The following NCBP3 variants were observed in gnomAD, a reference collection of about 807,000 sequenced individuals.
The protein encoded by NCBP3 is nuclear cap binding subunit 3.
A neutral mutation model predicts 75.7 loss-of-function variants in NCBP3; 20 were observed. The observed-to-expected ratio is 0.26, with a 90% CI of 0.19 to 0.38. The LOEUF (loss-of-function observed/expected upper bound fraction) is 0.38, where lower values mean the gene tolerates loss of function less well. Ranked by LOEUF, NCBP3 falls within the 10% of genes least tolerant of loss-of-function variation. NCBP3 has a pLI of 1.00. For synonymous variants in NCBP3, 293 were observed against 290.5 expected, an observed-to-expected ratio of 1.01 and a Z score of -0.09; for missense variants, 678 against 796.9, an observed-to-expected ratio of 0.85 and a Z score of 1.80.
Position 3,812,864 on chromosome 17 carries a change from G to T in NCBP3, c.*180C>A. Reference sequence around the variant, plus strand: ...AACTACAACTCTGCAGCGAAAGATAGAGATGCCCTTGAAAATGTGTCACAT... The same window carrying T: ...AACTACAACTCTGCAGCGAAAGATATAGATGCCCTTGAAAATGTGTCACAT... On this transcript the variant is annotated 3_prime_UTR_variant, in exon 13 of 13. Coordinates refer to ENST00000389005, the MANE Select transcript of NCBP3 (RefSeq NM_001114118.3). 1 of 1,429,568 alleles carries T rather than the reference G, an allele frequency of 7.0e-7. No individual in the cohort carries two copies. Among genetic ancestry groups the T allele is most frequent in the Non-Finnish European group, 9.1e-7 (1 of 1,095,516 alleles). 88.6% of individuals were successfully genotyped at this position (1,429,568 alleles called of 1,614,324 possible).
intron 3 of NCBP3, among the ~76,000 whole-genome samples, chr17:3,830,872 G>A (rs923827808): frequency 5.3e-5 from 8 of 150,546 alleles, no homozygotes; most frequent in African/African-American, 9.8e-5. Context: ...TGTGAGCCAC[G>A]GCGCCCAGCC....
rs577212201 is a variant in NCBP3, at chr17:3,838,430, C to T, written c.355+1670G>A. Among the ~76,000 whole-genome samples, 859 of 152,336 alleles carry T rather than the reference C, an allele frequency of 5.6e-3. 2 individuals carry two copies. Among genetic ancestry groups the T allele is most frequent in the African/African-American group, 0.02 (821 of 41,574 alleles). ...GCAGGCACATGAAGGTCAAGCCACA[C>T]CTGGCCTTCACAGGACTTCTCCTCA... On this transcript the variant is annotated intron_variant, in intron 3 of 12. Transcript: ENST00000389005.
At chr17:3,821,901 G>T in intron 8 of NCBP3, 52 bp downstream of exon 8, 1 of 1,169,042 alleles carries the variant, frequency 8.6e-7, no homozygotes. Context: ...AATACCAACT[G>T]AAGGATTAAG....
intron 7 of NCBP3, among the ~76,000 whole-genome samples, chr17:3,823,431 G>A (rs2053709214): frequency 6.6e-6 from 1 of 152,110 alleles, no homozygotes; most frequent in African/African-American, 2.4e-5. Context: ...CTAAACTGAT[G>A]TAAATAAACA....
In NCBP3 at chr17:3,812,943, A is replaced by G. The variant is rs1035776995; in HGVS notation, c.*101T>C. On this transcript the variant is annotated 3_prime_UTR_variant, in exon 13 of 13. Coordinates refer to ENST00000389005, the MANE Select transcript of NCBP3 (RefSeq NM_001114118.3). ...AGCGGAGGGTGACTGTGTGAGCAGG[A>G]GCGAGAGGGCGCCAGCTCCTGCGGG... The G allele has an allele frequency of 3.2e-6, 5 of 1,550,034 alleles. No homozygotes were observed. The highest frequency in any genetic ancestry group is 1.4e-5 in the African/African-American group (1 of 72,882).
intron 1 of NCBP3, among the ~76,000 whole-genome samples, chr17:3,845,510 G>T (rs1041683290): frequency 6.6e-6 from 1 of 152,054 alleles, no homozygotes; most frequent in Non-Finnish European, 1.5e-5. Flanking sequence ...GCTGCGGGGG[G>T]GGCAAGATGA....
chr17:3,842,035 C>T (rs2054073491), intron 2 of NCBP3, among the ~76,000 whole-genome samples: 1 of 151,940 alleles, frequency 6.6e-6, no homozygotes, highest in African/African-American at 2.4e-5. Context: ...GTATTGACTA[C>T]ATATAAGGAA....
At chr17:3,835,543 TCA>T (rs2143700355) in intron 3 of NCBP3, among the ~76,000 whole-genome samples, 1 of 152,374 alleles carries the variant, frequency 6.6e-6, no homozygotes, top group Non-Finnish European at 1.5e-5. Flanking sequence ...TGAAAGGACT[TCA>T]CAGTCACACA....
At chr17:3,826,489 G>A (rs1017445288) in intron 4 of NCBP3, among the ~76,000 whole-genome samples, 2 of 152,088 alleles carry the variant, frequency 1.3e-5, no homozygotes, top group Non-Finnish European at 2.9e-5. Flanking sequence ...AAATACAAAA[G>A]TCATGGTGGC....
intron 3 of NCBP3, among the ~76,000 whole-genome samples, chr17:3,838,082 A>T (rs1008132838): frequency 1.3e-5 from 2 of 152,234 alleles, no homozygotes; most frequent in African/African-American, 2.4e-5. Flanking sequence ...TGAAACTAAC[A>T]AGGCTCAAGA....
At chr17:3,825,704 G>C in intron 6 of NCBP3, 63 bp downstream of exon 6, 1 of 1,250,132 alleles carries the variant, frequency 8.0e-7, no homozygotes, top group South Asian at 1.3e-5. Flanking sequence ...TAAGGCTTAA[G>C]TTAAAAAGAC....
chr17:3,817,796 G>T (rs1442570523), intron 10 of NCBP3, among the ~76,000 whole-genome samples: 1 of 152,000 alleles, frequency 6.6e-6, no homozygotes, highest in Non-Finnish European at 1.5e-5. Flanking sequence ...AAAGGAATTC[G>T]TTAAATAAAT....
chr17:3,840,153 T>G lies in NCBP3; in HGVS notation c.302A>C (p.Glu101Ala). The G allele has an allele frequency of 6.4e-7, 1 of 1,551,722 alleles. No individual in the cohort carries two copies. Among genetic ancestry groups the G allele is most frequent in the Middle Eastern group, 1.7e-4 (1 of 5,992 alleles). Residue 101 changes from glutamate to alanine, a missense_variant, in exon 3 of 13, where the codon GAA becomes GCA. Glu to Ala is a moderately radical substitution (Grantham distance 107). Around this residue, in one of 7 missense-constraint regions of NCBP3, gnomAD observed 40 missense variants for 41.3 expected, o/e 0.97. Coordinates refer to ENST00000389005, the MANE Select transcript of NCBP3 (RefSeq NM_001114118.3). ...TACATTTCTTTGGGCAAGATTTACT[T>G]CCGATCGAAAATGGAAGCGCTTGGC... ...QRAKRFHFRS[E>A]VNLAQRNVAL...
chr17:3,827,107 TGGAAG>T (rs370484509), intron 4 of NCBP3, among the ~76,000 whole-genome samples: 5 of 132,248 alleles, frequency 3.8e-5, no homozygotes, highest in African/African-American at 1.5e-4. Context: ...AGGGAAAAGA[TGGAAG>T]GGAAGGGGAG....
At chr17:3,825,096 G>C (rs980697679) in intron 6 of NCBP3, 46 bp from the exon 7 acceptor site, 58 of 1,111,698 alleles carry the variant, frequency 5.2e-5, no homozygotes, top group African/African-American at 1.1e-4. Context: ...AAGTCCTTTT[G>C]ATATTTCTTC....
At position 3,808,414 on chromosome 17, in the gene NCBP3, CTGTGGCAGTACCATGGGACACATAGAAG is replaced by C. The variant is rs1371247071; in HGVS notation, c.*4602_*4629del. The C allele has an allele frequency of 1.3e-5, 2 of 152,202 alleles. No homozygotes were observed. Among genetic ancestry groups the C allele is most frequent in the East Asian group, 1.9e-4 (1 of 5,200 alleles). The allele number at this position is 152,202 out of a possible 1,614,324, so 9.4% of individuals were successfully genotyped here. On this transcript the variant is annotated 3_prime_UTR_variant, in exon 13 of 13. Transcript: ENST00000389005. ...AATCCTGGAGAGAGCTGAGACTCTT[CTGTGGCAGTACCATGGGACACATAGAAG>C]TAGCCTATACCCTGGCTCTGGAAGT...
At chr17:3,829,128 A>G in intron 4 of NCBP3, 115 bp downstream of exon 4, 1 of 1,189,664 alleles carries the variant, frequency 8.4e-7, no homozygotes, top group Non-Finnish European at 1.2e-6. Flanking sequence ...GACTAACAGC[A>G]GAAGTTCGGC....
chr17:3,829,963 A>G (rs1344802132), intron 3 of NCBP3, among the ~76,000 whole-genome samples: 6 of 152,242 alleles, frequency 3.9e-5, no homozygotes, highest in Non-Finnish European at 8.8e-5. Context: ...TAACATGCAC[A>G]TGAAAACAAG....
intron 5 of NCBP3, 64 bp from the exon 6 acceptor site, chr17:3,825,907 A>G: frequency 7.0e-7 from 1 of 1,429,544 alleles, no homozygotes; most frequent in Non-Finnish European, 9.6e-7. Context: ...GAGATACAAG[A>G]TGAACTATCT....
Sources: gnomAD v4.1 joint callset for allele counts (sites outside exome capture counted in the v4.1 genomes callset) on GRCh38, gnomAD v4.1.1 for gene constraint, gnomAD v4.1.1 regional missense constraint, MANE v1.5 for transcripts, NCBI Gene and HGNC (gene_info 2026-07-23, HGNC 2026-07-21) for gene names.